The following SLC7A5 variants were observed in gnomAD, a reference collection of about 807,000 sequenced individuals.
The protein encoded by SLC7A5 is solute carrier family 7 member 5.
Under a neutral mutation model 50.2 loss-of-function variants are expected in SLC7A5, and 23 were observed. That is an observed-to-expected ratio of 0.46 (90% CI 0.33 to 0.65). SLC7A5 has a LOEUF of 0.65. SLC7A5 is among the 30% of genes least tolerant of loss of function. The pLI, the probability that SLC7A5 is intolerant of heterozygous loss-of-function variation, is 0.02. For missense variants in SLC7A5, 578 were observed against 684.4 expected (o/e 0.84, Z 1.73); for synonymous variants, 393 against 330.6 (o/e 1.19, Z -2.05).
rs1442850071 is a variant in SLC7A5, at chr16:87,832,480, A to T, written c.*490T>A. 1 of 152,330 alleles carries T rather than the reference A, an allele frequency of 6.6e-6. No individual in the cohort carries two copies. Among genetic ancestry groups the T allele is most frequent in the African/African-American group, 2.4e-5 (1 of 41,332 alleles). The allele number at this position is 152,330 out of a possible 1,614,324, so 9.4% of individuals were successfully genotyped here. A position where few individuals can be genotyped will look rare whatever the true frequency, so the allele number is the denominator to read the frequency against. ...AAGCCCACAGGGTTGGTTTTCACGA[A>T]TGTCACAAGCCCATGTGTCTGGGCA... On this transcript the variant is annotated 3_prime_UTR_variant, in exon 10 of 10. Coordinates refer to ENST00000261622, the MANE Select transcript of SLC7A5 (RefSeq NM_003486.7). This position sits in a 1 kb window ranked among gnomAD's most constrained non-coding sequence, Gnocchi z 4.6.
intron 2 of SLC7A5, among the ~76,000 whole-genome samples, chr16:87,847,512 A>T (rs906434550): frequency 6.6e-6 from 1 of 152,150 alleles, no homozygotes; most frequent in Non-Finnish European, 1.5e-5. Context: ...GACCAGTCTG[A>T]AAAGGAATGT....
chr16:87,849,418 C>G (rs1337452004), intron 2 of SLC7A5, among the ~76,000 whole-genome samples: 4 of 152,180 alleles, frequency 2.6e-5, no homozygotes, highest in Non-Finnish European at 1.5e-5. Flanking sequence ...GGTGGGAGGA[C>G]GCTTTCAACA....
intron 5 of SLC7A5, 112 bp downstream of exon 5, chr16:87,839,590 C>A (rs2055057403): frequency 2.0e-6 from 3 of 1,504,362 alleles, no homozygotes; most frequent in African/African-American, 2.7e-5. Flanking sequence ...AGACGCGGGG[C>A]CCCCTCTGCG....
intron 1 of SLC7A5, among the ~76,000 whole-genome samples, chr16:87,865,333 C>G (rs2055446823): frequency 6.6e-6 from 1 of 152,188 alleles, no homozygotes; most frequent in Non-Finnish European, 1.5e-5. Flanking sequence ...TTAACATTAA[C>G]CCTCACCTCT....
chr16:87,852,638 CTGTGTGTGTGTGTGTGTGTG>C lies in SLC7A5; in HGVS notation c.539-809_539-790del, dbSNP rs61164920. Among the ~76,000 whole-genome samples, 8 of 116,796 alleles carry C rather than the reference CTGTGTGTGTGTGTGTGTGTG, an allele frequency of 6.8e-5. No homozygotes were observed. Among genetic ancestry groups the C allele is most frequent in the Admixed American group, 2.7e-4 (3 of 11,032 alleles). 76.6% of individuals were successfully genotyped at this position (116,796 alleles called of 152,430 possible). On this transcript the variant is annotated intron_variant, in intron 1 of 9. Coordinates refer to ENST00000261622, the MANE Select transcript of SLC7A5 (RefSeq NM_003486.7). This position sits in a 1 kb window ranked among gnomAD's most constrained non-coding sequence, Gnocchi z 4.5. ...CTGTAAGGCACCCAGCTCTGAGCCT[CTGTGTGTGTGTGTGTGTGTG>C]TGTGTGTGTGTGTGTGTGTGTGTGT... is the stretch of plus-strand genomic sequence containing the variant.
rs769725171 is a variant in SLC7A5 at position 87,838,784 on chromosome 16, A to G, written c.973T>C (p.Trp325Arg). The change falls in exon 6 of 10, where the codon TGG becomes CGG. Residue 325 changes from tryptophan to arginine, a missense_variant. Physicochemically the swap from Trp to Arg is moderately radical, Grantham distance 101 (BLOSUM62 -3). Coordinates refer to ENST00000261622, the MANE Select transcript of SLC7A5 (RefSeq NM_003486.7). ...FGNYHLGVMS[W>R]IIPVFVGLSC... ...AGGCCCACGAAGACGGGGATGATCC[A>G]GGACATGACGCCCAGGTGATAGTTC... 5 of 1,613,958 alleles carry G rather than the reference A, an allele frequency of 3.1e-6. No homozygotes were observed. Among genetic ancestry groups the G allele is most frequent in the Non-Finnish European group, 4.2e-6 (5 of 1,180,036 alleles).
At chr16:87,843,497 C>T (rs547604920) in intron 2 of SLC7A5, among the ~76,000 whole-genome samples, 29 of 151,726 alleles carry the variant, frequency 1.9e-4, no homozygotes, top group African/African-American at 7.0e-4. Flanking sequence ...TGGAGGGCTG[C>T]AGGAGGGACC....
At chr16:87,866,099 G>T (rs1220400475) in intron 1 of SLC7A5, among the ~76,000 whole-genome samples, 2 of 152,194 alleles carry the variant, frequency 1.3e-5, no homozygotes, top group African/African-American at 2.4e-5. Flanking sequence ...GGTTCTATGG[G>T]GGGGCGGGGG....
rs1240902402 is a variant in SLC7A5 at position 87,860,341 on chromosome 16, T to TATACACACACAC, written c.539-8493_539-8492insGTGTGTGTGTAT. On this transcript the variant is annotated intron_variant, in intron 1 of 9. Transcript: ENST00000261622. This position sits in a 1 kb window ranked among gnomAD's most constrained non-coding sequence, Gnocchi z 4.8. ...AAAGCATCTCAAAAAAAAAAAAAAA[T>TATACACACACAC]ACACACACACACACACACACACACA... is the stretch of plus-strand genomic sequence containing the variant. Among the ~76,000 whole-genome samples the TATACACACACAC allele has an allele frequency of 1.2e-5, 1 of 86,200 alleles. No individual in the cohort carries two copies. Among genetic ancestry groups the TATACACACACAC allele is most frequent in the African/African-American group, 5.0e-5 (1 of 19,908 alleles). The allele number at this position is 86,200 out of a possible 152,430, so 56.6% of individuals were successfully genotyped here. A position where few individuals can be genotyped will look rare whatever the true frequency, so the allele number is the denominator to read the frequency against.
Position 87,839,699 on chromosome 16 carries a change from C to T in SLC7A5, c.939+3G>A, listed in dbSNP as rs2055059044. 1 of 1,613,094 alleles carries T rather than the reference C, an allele frequency of 6.2e-7. No individual in the cohort carries two copies. ...TGGTGGAAGCTGGCGGGTAGCGGCT[C>T]ACCACGGCCACGGCCTCGGACGACA... On this transcript the variant is annotated splice_donor_region_variant and intron_variant, in intron 5 of 9. Transcript: ENST00000261622.
rs948425651 is a variant in SLC7A5 at position 87,836,759 on chromosome 16, G to A, written c.1141-112C>T. Reference sequence around the variant, plus strand: ...TGGCTGGGCCCAGCTGAGCACCAGGGAATTTTGTTTTAAAGGAGAAACCTC... The same window carrying A: ...TGGCTGGGCCCAGCTGAGCACCAGGAAATTTTGTTTTAAAGGAGAAACCTC... On this transcript the variant is annotated intron_variant, in intron 7 of 9. Coordinates refer to ENST00000261622, the MANE Select transcript of SLC7A5 (RefSeq NM_003486.7). The A allele has an allele frequency of 6.7e-5, 75 of 1,120,286 alleles. No homozygotes were observed. In the African/African-American group the frequency reaches 1.1e-3, roughly 16 times the overall value. 69.4% of individuals were successfully genotyped at this position (1,120,286 alleles called of 1,614,324 possible).
At chr16:87,843,075 G>T (rs1207563702) in intron 2 of SLC7A5, among the ~76,000 whole-genome samples, 1 of 152,184 alleles carries the variant, frequency 6.6e-6, no homozygotes, top group Non-Finnish European at 1.5e-5. Context: ...CATGGTGGGA[G>T]GGGGTGAAGG....
intron 1 of SLC7A5, among the ~76,000 whole-genome samples, chr16:87,863,413 G>T (rs949370984): frequency 1.3e-5 from 2 of 152,112 alleles, no homozygotes; most frequent in Non-Finnish European, 2.9e-5. Context: ...CCAAATCCAG[G>T]CCCAGCCAGA....
intron 1 of SLC7A5, among the ~76,000 whole-genome samples, chr16:87,859,851 G>A (rs1025925730): frequency 6.6e-6 from 1 of 152,178 alleles, no homozygotes; most frequent in Non-Finnish European, 1.5e-5. Context: ...TGAGGCAGGA[G>A]AATCGCTTGA....
At chr16:87,865,662 G>A (rs763742576) in intron 1 of SLC7A5, among the ~76,000 whole-genome samples, 6 of 152,100 alleles carry the variant, frequency 3.9e-5, no homozygotes, top group South Asian at 4.1e-4. Flanking sequence ...AGCCAAGATC[G>A]TGCCATTGTA....
rs1347275282 is a variant in SLC7A5, at chr16:87,836,536, G to A, written c.1252C>T (p.Leu418=). The stretch of plus-strand genomic sequence containing the variant: ...TCAAGCTCAGGCTTTCTGTGGCGCA[G>A]CCAGATCATGCCGATGATGGCCAGG... The part of the protein sequence containing the change: ...VALAIIGMIW[L]RHRKPELERP... Residue 418 remains leucine, a synonymous_variant, in exon 8 of 10, where the codon CTG becomes TTG. Coordinates refer to ENST00000261622, the MANE Select transcript of SLC7A5 (RefSeq NM_003486.7). 2 of 1,613,224 alleles carry A rather than the reference G, an allele frequency of 1.2e-6. No homozygotes were observed. Among genetic ancestry groups the A allele is most frequent in the African/African-American group, 1.3e-5 (1 of 75,084 alleles).
chr16:87,863,986 A>AAAAAAAAAAAAAATAT (rs376938738), intron 1 of SLC7A5, among the ~76,000 whole-genome samples: 13 of 83,280 alleles, frequency 1.6e-4, no homozygotes, highest in African/African-American at 4.7e-4. Context: ...ATCATTTAAA[A>AAAAAAAAAAAAAATAT]ATATATATAT....
Position 87,834,472 on chromosome 16 carries a change from G to T in SLC7A5, c.1410C>A (p.Pro470=). 1 of 1,571,418 alleles carries T rather than the reference G, an allele frequency of 6.4e-7. No individual in the cohort carries two copies. The highest frequency in any genetic ancestry group is 8.6e-7 in the Non-Finnish European group (1 of 1,158,590). The change falls in exon 9 of 10, where the codon CCC becomes CCA. Residue 470 remains proline, a synonymous_variant. Transcript: ENST00000261622. ...IGFTIILSGL[P]VYFFGVWWKN... ...TCCACCAGACCCCGAAGAAGTAGAC[G>T]GGCAGCCCGCTGAGGATGATGGTGA... is the stretch of plus-strand genomic sequence containing the variant.
chr16:87,848,508 G>C (rs1468634604), intron 2 of SLC7A5, among the ~76,000 whole-genome samples: 1 of 152,194 alleles, frequency 6.6e-6, no homozygotes, highest in Non-Finnish European at 1.5e-5. Flanking sequence ...GAAAAGGCTG[G>C]GACTAACTGT....
Sources: gnomAD v4.1 joint callset for allele counts (sites outside exome capture counted in the v4.1 genomes callset) on GRCh38, gnomAD v4.1.1 for gene constraint, Gnocchi (gnomAD v3.1) non-coding constraint, MANE v1.5 for transcripts, NCBI Gene and HGNC (gene_info 2026-07-23, HGNC 2026-07-21) for gene names.